CELF1: variants seen among roughly 807,000 people sequenced by gnomAD.
The protein encoded by CELF1 is 50 kDa nuclear polyadenylated RNA-binding protein.
A neutral mutation model predicts 61.8 loss-of-function variants in CELF1; 10 were observed. The ratio of observed to expected loss-of-function variants is 0.16; its 90% CI spans 0.10 to 0.27. CELF1 has a LOEUF of 0.27. CELF1 is among the 10% of genes least tolerant of loss of function. CELF1 has a pLI of 1.00. For synonymous variants in CELF1, 236 were observed against 225.1 expected (o/e 1.05, Z -0.43); for missense variants, 380 against 639.1 (o/e 0.59, Z 4.37).
intron 1 of CELF1, among the ~76,000 whole-genome samples, chr11:47,564,748 G>C (rs2097239258): frequency 1.3e-5 from 2 of 152,206 alleles, no homozygotes; most frequent in African/African-American, 2.4e-5. Context: ...CTGAGATCTT[G>C]CGACTGCCCT....
At chr11:47,492,503 G>A (rs892647510) in intron 3 of CELF1, among the ~76,000 whole-genome samples, 1 of 152,174 alleles carries the variant, frequency 6.6e-6, no homozygotes, top group Non-Finnish European at 1.5e-5. Flanking sequence ...GCCGAGGCAG[G>A]CAGATCACTT....
intron 2 of CELF1, among the ~76,000 whole-genome samples, chr11:47,561,934 GAA>G (rs199946954): frequency 6.9e-6 from 1 of 144,494 alleles, no homozygotes. Context: ...TATCTATTAA[GAA>G]AAAAAAAAAG....
chr11:47,484,015 T>C (rs897175765), intron 7 of CELF1, among the ~76,000 whole-genome samples: 1 of 152,092 alleles, frequency 6.6e-6, no homozygotes, highest in Admixed American at 6.5e-5. Flanking sequence ...GGAATCACTG[T>C]TGCTAGTTTC....
At chr11:47,513,805 T>C (rs1379126905) in intron 1 of CELF1, 1 of 151,904 alleles carries the variant, frequency 6.6e-6, no homozygotes, top group Admixed American at 6.6e-5. Context: ...TTCCTTCCTG[T>C]TTTAATTTTT....
intron 1 of CELF1, among the ~76,000 whole-genome samples, chr11:47,534,411 A>C (rs1056871021): frequency 1.3e-5 from 2 of 151,928 alleles, no homozygotes; most frequent in African/African-American, 4.8e-5. Context: ...TTATGTTAGA[A>C]ATATATCAGA....
At chr11:47,526,829 T>C (rs1283034530) in intron 1 of CELF1, among the ~76,000 whole-genome samples, 1 of 151,734 alleles carries the variant, frequency 6.6e-6, no homozygotes, top group Non-Finnish European at 1.5e-5. Flanking sequence ...CCACGATGGA[T>C]CACCTGAGGT....
intron 1 of CELF1, among the ~76,000 whole-genome samples, chr11:47,502,520 A>ATGTG (rs538599914): frequency 1.3e-5 from 2 of 151,420 alleles, no homozygotes; most frequent in South Asian, 4.2e-4. Context: ...GTGTGTGTGT[A>ATGTG]TGTGTGTGTG....
chr11:47,518,432 T>G (rs1270596514), intron 1 of CELF1, among the ~76,000 whole-genome samples: 1 of 152,244 alleles, frequency 6.6e-6, no homozygotes, highest in Non-Finnish European at 1.5e-5. Flanking sequence ...TGAGATAATA[T>G]GTCAAAACAA....
At chr11:47,529,077 C>CT (rs1162581463) in intron 1 of CELF1, among the ~76,000 whole-genome samples, 6,910 of 133,622 alleles carry the variant, frequency 0.052, 189 homozygotes, top group Non-Finnish European at 0.06. Flanking sequence ...GTTTATTTTA[C>CT]TTTTTTTTTT....
chr11:47,552,173 A>G (rs2097155334), intron 1 of CELF1, among the ~76,000 whole-genome samples: 1 of 152,196 alleles, frequency 6.6e-6, no homozygotes, highest in Non-Finnish European at 1.5e-5. Flanking sequence ...CGAGAAAGAG[A>G]TTCCATTTTG....
chr11:47,493,897 T>C (rs545781501), intron 3 of CELF1, among the ~76,000 whole-genome samples: 1 of 152,328 alleles, frequency 6.6e-6, no homozygotes, highest in South Asian at 2.1e-4. Flanking sequence ...CCAATATGCA[T>C]GTTGTCATTA....
chr11:47,477,764 A>G, intron 10 of CELF1: 1 of 226,404 alleles, frequency 4.4e-6, no homozygotes, highest in Non-Finnish European at 9.0e-6. Flanking sequence ...ACAGAATGGG[A>G]CTGCATCCAG....
At chr11:47,555,404 GC>G, upstream of CELF1, among the ~76,000 whole-genome samples, 1 of 152,218 alleles carries the variant, frequency 6.6e-6, no homozygotes, top group South Asian at 2.1e-4. Flanking sequence ...GCAACCAGAA[GC>G]TTTTTCCTAT....
At position 47,503,529 on chromosome 11, in the gene CELF1, A is replaced by G. The variant is rs75956525; in HGVS notation, c.-153-2597T>C. On this transcript the variant is annotated intron_variant, in intron 1 of 14. Transcript: ENST00000687097. ...TCAATGTCATTAAAAATCACCATCA[A>G]TCTATATGAGGGAATTCAAATTGCA... Among the ~76,000 whole-genome samples, 766 of 152,290 alleles carry G rather than the reference A, an allele frequency of 5.0e-3. 3 individuals are homozygous for G. Among genetic ancestry groups the G allele is most frequent in the Non-Finnish European group, 9.1e-3 (620 of 68,024 alleles).
In CELF1 at chr11:47,470,512, C is replaced by T. The variant is rs1179881985; in HGVS notation, c.*1718G>A. On this transcript the variant is annotated 3_prime_UTR_variant, in exon 15 of 15. Transcript: ENST00000687097. ...CCAAGTTATCACTATGAGAAAGGAACAGCTGTCCCAGCTTCAATGGGATAA... is the reference window on the plus strand; with the variant it reads ...CCAAGTTATCACTATGAGAAAGGAATAGCTGTCCCAGCTTCAATGGGATAA... 6.6e-6 allele frequency: 1 copy of T among 152,146 alleles called. No individual in the cohort carries two copies. The highest frequency in any genetic ancestry group is 1.5e-5 in the Non-Finnish European group (1 of 68,034). 9.4% of individuals were successfully genotyped at this position (152,146 alleles called of 1,614,324 possible). A position where few individuals can be genotyped will look rare whatever the true frequency, so the allele number is the denominator to read the frequency against.
intron 1 of CELF1, among the ~76,000 whole-genome samples, chr11:47,516,611 T>TG (rs1173784337): frequency 6.6e-6 from 1 of 151,972 alleles, no homozygotes; most frequent in African/African-American, 2.4e-5. Context: ...CTTTTTTTTT[T>TG]TTTGTTTGAG....
rs1337275872 is a variant in CELF1 at position 47,472,088 on chromosome 11, C to T, written c.*142G>A. 2.1e-6 allele frequency: 2 copies of T among 938,342 alleles called. No individual in the cohort carries two copies. The highest frequency in any genetic ancestry group is 1.6e-6 in the Non-Finnish European group (1 of 625,220). The allele number at this position is 938,342 out of a possible 1,614,324, so 58.1% of individuals were successfully genotyped here. On this transcript the variant is annotated 3_prime_UTR_variant, in exon 15 of 15. Transcript: ENST00000687097. ...CCACAGAAGGCAGTAGCCGAGTCTT[C>T]AGGGCAAGCTGTGCCTGCGAGAGTG...
intron 3 of CELF1, among the ~76,000 whole-genome samples, chr11:47,498,796 C>T (rs1169139512): frequency 6.6e-6 from 1 of 152,148 alleles, no homozygotes; most frequent in Non-Finnish European, 1.5e-5. Context: ...TGCAAGCTAA[C>T]AAGGTTTCTC....
At chr11:47,505,749 G>A (rs1251995538) in intron 1 of CELF1, among the ~76,000 whole-genome samples, 1 of 149,674 alleles carries the variant, frequency 6.7e-6, no homozygotes, top group African/African-American at 2.4e-5. Flanking sequence ...TCAGGAGTTC[G>A]AGACCTGTCT....
Sources: gnomAD v4.1 joint callset for allele counts (sites outside exome capture counted in the v4.1 genomes callset) on GRCh38, gnomAD v4.1.1 for gene constraint, MANE v1.5 for transcripts, NCBI Gene and HGNC (gene_info 2026-07-23, HGNC 2026-07-21) for gene names.